The following SYNM variants were observed in gnomAD, a reference collection of about 807,000 sequenced individuals.
SYNM encodes desmuslin.
A neutral mutation model predicts 104.0 loss-of-function variants in SYNM; 95 were observed. That is an observed-to-expected ratio of 0.91 (90% CI 0.77 to 1.08). The LOEUF (loss-of-function observed/expected upper bound fraction) is 1.08, where lower values mean the gene tolerates loss of function less well. Ranked by LOEUF, SYNM falls within the 50% of genes least tolerant of loss-of-function variation. The pLI is 0.00. For synonymous variants in SYNM, 918 were observed against 869.0 expected (o/e 1.06, Z -0.99); for missense variants, 2,150 against 2,052.2 (o/e 1.05, Z -0.92).
rs782810661 is a variant in SYNM at position 99,105,220 on chromosome 15, G to A, written c.21G>A (p.Gln7=). 1 of 1,573,628 alleles carries A rather than the reference G, an allele frequency of 6.4e-7. No homozygotes were observed. The highest frequency in any genetic ancestry group is 1.8e-5 in the Admixed American group (1 of 54,678). MLSWRL[Q]TGPEKAELQE... ...GCAAGATGCTGTCCTGGCGGCTGCA[G>A]ACGGGCCCCGAGAAGGCCGAGCTCC... Residue 7 remains glutamine, a synonymous_variant, in exon 1 of 4, where the codon CAG becomes CAA. Transcript: ENST00000336292.
chr15:99,141,111 C>A, the SYNM span: 12 of 152,190 alleles, frequency 7.9e-5, no homozygotes, highest in South Asian at 8.3e-4. Context: ...AACAAGAATT[C>A]TTTTATATAT....
Position 99,105,839 on chromosome 15 carries a change from C to T in SYNM, c.640C>T (p.Arg214Trp). 6.5e-7 allele frequency: 1 copy of T among 1,541,464 alleles called. No individual in the cohort carries two copies. Among genetic ancestry groups the T allele is most frequent in the Non-Finnish European group, 8.7e-7 (1 of 1,145,730 alleles). The change falls in exon 1 of 4, where the codon CGG (arginine) becomes TGG (tryptophan). Residue 214 changes from arginine (R) to tryptophan (W), a missense_variant. Arg to Trp is a moderately radical substitution (Grantham distance 101). Transcript: ENST00000336292. ...GGTGCGCGAGCTGGAGGAGGCGCTGCGGCGCGGCCAGGAGAGCAGACTCCA... is the reference window on the plus strand; with the variant it reads ...GGTGCGCGAGCTGGAGGAGGCGCTGTGGCGCGGCCAGGAGAGCAGACTCCA... ...DEVRELEEALRRGQESRLQAE... is the reference protein window; with the variant it reads ...DEVRELEEALWRGQESRLQAE...
downstream of SYNM, chr15:99,139,307 G>C: frequency 6.2e-7 from 1 of 1,610,506 alleles, no homozygotes; most frequent in Non-Finnish European, 8.5e-7. Flanking sequence ...TGTGAGGGAC[G>C]CCAACTCACG....
intron 2 of SYNM, among the ~76,000 whole-genome samples, chr15:99,116,530 G>A (rs985718027): frequency 2.1e-5 from 3 of 143,960 alleles, no homozygotes; most frequent in African/African-American, 2.5e-5. Context: ...CCACAGTTGT[G>A]CAGGCTGTAC....
chr15:99,137,979 G>C (rs2067721601), downstream of SYNM: 1 of 1,613,756 alleles, frequency 6.2e-7, no homozygotes, highest in African/African-American at 1.3e-5. Flanking sequence ...CAGTGCCCAG[G>C]AATGTCCTAG....
In SYNM at chr15:99,134,505, A is replaced by G. The variant is rs1051751470; in HGVS notation, c.*1447A>G. On this transcript the variant is annotated 3_prime_UTR_variant, in exon 4 of 4. Transcript: ENST00000336292. Reference sequence around the variant, plus strand: ...TAGTTCAGGCTAGCTTCTTTCACATAATGCTGTCTCAGCTGTATTTCCAGT... The same window carrying G: ...TAGTTCAGGCTAGCTTCTTTCACATGATGCTGTCTCAGCTGTATTTCCAGT... The G allele has an allele frequency of 2.0e-5, 3 of 152,196 alleles. No homozygotes were observed. The highest frequency in any genetic ancestry group is 4.4e-5 in the Non-Finnish European group (3 of 68,036). The allele number at this position is 152,196 out of a possible 1,614,324, so 9.4% of individuals were successfully genotyped here.
At chr15:99,137,724 G>GT, downstream of SYNM, 1 of 407,296 alleles carries the variant, frequency 2.5e-6, no homozygotes, top group Non-Finnish European at 4.5e-6. Flanking sequence ...TTGAAGAGAA[G>GT]TTTTTCAGCC....
At chr15:99,125,517 CT>C (rs1555484924) in intron 2 of SYNM, among the ~76,000 whole-genome samples, 1 of 152,272 alleles carries the variant, frequency 6.6e-6, no homozygotes, top group African/African-American at 2.4e-5. Flanking sequence ...CTGTGTGCGC[CT>C]TCGCGAGAGT....
chr15:99,108,489 GT>G (rs1466142753), intron 1 of SYNM, among the ~76,000 whole-genome samples: 1 of 152,144 alleles, frequency 6.6e-6, no homozygotes, highest in African/African-American at 2.4e-5. Flanking sequence ...TTTTTTTCGG[GT>G]TCTGTAGAAG....
In SYNM at chr15:99,130,208, A is replaced by G. The variant is rs374296124; in HGVS notation, c.1848A>G (p.Leu616=). 4.3e-6 allele frequency: 7 copies of G among 1,613,844 alleles called. No homozygotes were observed. The highest frequency in any genetic ancestry group is 2.7e-5 in the African/African-American group (2 of 74,918). The part of the protein sequence containing the change: ...GTGREAEARE[L]RFRLGTSDAT... ...GTAGAGAGGCAGAAGCAAGAGAGCT[A>G]CGGTTCAGGTTGGGCACCAGTGATG... Residue 616 remains leucine (L), a synonymous_variant, in exon 4 of 4, where the codon CTA becomes CTG. Coordinates refer to ENST00000336292, the MANE Select transcript of SYNM (RefSeq NM_145728.3).
intron 2 of SYNM, among the ~76,000 whole-genome samples, chr15:99,118,566 C>T (rs923144437): frequency 3.3e-5 from 5 of 152,188 alleles, no homozygotes; most frequent in African/African-American, 1.2e-4. Flanking sequence ...ATGTACTGAA[C>T]ACCTCCCAAC....
At chr15:99,141,639 C>A in the SYNM span, among the ~76,000 whole-genome samples, 50 of 152,276 alleles carry the variant, frequency 3.3e-4, no homozygotes, top group African/African-American at 1.2e-3. Flanking sequence ...GGACTTACTA[C>A]TGAAGCCTGT....
Position 99,131,481 on chromosome 15 carries a change from A to G in SYNM, c.3121A>G (p.Arg1041Gly), listed in dbSNP as rs200334974. The change falls in exon 4 of 4, where the codon AGG becomes GGG. Residue 1041 changes from arginine to glycine, a missense_variant. Physicochemically the swap from Arg to Gly is moderately radical, Grantham distance 125. Transcript: ENST00000336292. This position sits in a 1 kb window ranked among gnomAD's most constrained non-coding sequence, Gnocchi z 4.3. ...VESVVRESLSRQRSPAPGSPD... is the reference protein window; with the variant it reads ...VESVVRESLSGQRSPAPGSPD... ...GTCGGTGGTTCGGGAGAGCCTGAGC[A>G]GGCAACGCAGCCCAGCGCCTGGCAG... 1,566 of 1,606,290 alleles carry G rather than the reference A, an allele frequency of 9.7e-4. 17 individuals are homozygous for G. Among genetic ancestry groups the G allele is most frequent in the South Asian group, 8.1e-3 (736 of 90,776 alleles).
chr15:99,107,927 GT>G (rs36146650), intron 1 of SYNM, among the ~76,000 whole-genome samples: 53 of 145,286 alleles, frequency 3.6e-4, no homozygotes, highest in East Asian at 1.6e-3. Flanking sequence ...TAAGGACCTG[GT>G]TTTTTTTTTT....
intron 1 of SYNM, among the ~76,000 whole-genome samples, chr15:99,106,457 A>T (rs558525607): frequency 6.6e-6 from 1 of 152,202 alleles, no homozygotes; most frequent in African/African-American, 2.4e-5. Flanking sequence ...GGAAAACTCA[A>T]ATTAATTTCC....
At position 99,105,877 on chromosome 15, in the gene SYNM, G is replaced by C. The variant is rs1555482641; in HGVS notation, c.678G>C (p.Glu226Asp). 7 of 1,541,114 alleles carry C rather than the reference G, an allele frequency of 4.5e-6. No individual in the cohort carries two copies. Among genetic ancestry groups the C allele is most frequent in the Non-Finnish European group, 6.1e-6 (7 of 1,146,386 alleles). Reference protein sequence around the residue: ...GQESRLQAEEETRLCAQEAEA... With the variant: ...GQESRLQAEEDTRLCAQEAEA... ...AGAGCAGACTCCAGGCGGAGGAAGA[G>C]ACGCGGCTGTGCGCGCAGGAGGCAG... Residue 226 changes from glutamate to aspartate, a missense_variant, in exon 1 of 4, where the codon GAG (glutamate) becomes GAC (aspartate). By Grantham distance (45) the Glu-to-Asp change is conservative. Transcript: ENST00000336292.
rs1555485817 is a variant in SYNM, at chr15:99,131,286, C to T, written c.2926C>T (p.Gln976Ter). 4 of 1,612,344 alleles carry T rather than the reference C, an allele frequency of 2.5e-6. No individual in the cohort carries two copies. The highest frequency in any genetic ancestry group is 1.7e-5 in the Admixed American group (1 of 59,812). ...GCTGTCCGCCCTCACCAGAGAGGGG[C>T]AGGGTGGGCCGGGGAGCGTTTCCGT... ...EELSALTREG[Q>*]GGPGSVSVDV... The change falls in exon 4 of 4, where the codon CAG becomes TAG. Residue 976 changes from glutamine to a stop codon, truncating the protein, a stop_gained. Transcript: ENST00000336292. LOFTEE classifies it high-confidence loss of function. The surrounding 1 kb of genome is among the most constrained non-coding windows in gnomAD (Gnocchi z 4.3).
chr15:99,114,748 G>A (rs797028181), intron 2 of SYNM, among the ~76,000 whole-genome samples: 16 of 148,700 alleles, frequency 1.1e-4, no homozygotes, highest in Middle Eastern at 3.4e-3. Context: ...GCAGGCCGGC[G>A]GAACAGTGCT....
downstream of SYNM, chr15:99,139,130 T>C (rs2067909018): frequency 2.7e-6 from 2 of 754,310 alleles, no homozygotes; most frequent in Non-Finnish European, 4.5e-6. Flanking sequence ...GAATTATTTT[T>C]AAATACCTGG....
Sources: allele counts gnomAD v4.1 joint callset (sites outside exome capture counted in the v4.1 genomes callset), GRCh38; gene constraint gnomAD v4.1.1; non-coding constraint Gnocchi (gnomAD v3.1); transcripts MANE v1.5; gene names NCBI Gene and HGNC (gene_info 2026-07-23, HGNC 2026-07-21).